The following SEMA3D variants were observed in gnomAD, a reference collection of about 807,000 sequenced individuals.
The protein encoded by SEMA3D is semaphorin 3D.
SEMA3D carries 84 observed loss-of-function variants against 100.1 expected under a neutral mutation model. That is an observed-to-expected ratio of 0.84 (90% CI 0.70 to 1.01). The LOEUF (loss-of-function observed/expected upper bound fraction) is 1.01, where lower values mean the gene tolerates loss of function less well. SEMA3D is among the 50% of genes least tolerant of loss of function. The pLI is 0.00. For missense variants in SEMA3D, 875 were observed against 934.1 expected, an observed-to-expected ratio of 0.94 and a Z score of 0.82; for synonymous variants, 312 against 320.7, an observed-to-expected ratio of 0.97 and a Z score of 0.29.
intron 3 of SEMA3D, among the ~76,000 whole-genome samples, chr7:85,099,033 G>A (rs4728570): frequency 0.67 from 102,463 of 151,860 alleles, 36,550 homozygotes; most frequent in East Asian, 0.95. Context: ...CTAATATTTT[G>A]TTGTCTGGAT....
chr7:85,164,976 C>T (rs768922061), intron 1 of SEMA3D, among the ~76,000 whole-genome samples: 17 of 135,318 alleles, frequency 1.3e-4, no homozygotes, highest in Non-Finnish European at 2.3e-4. Flanking sequence ...GGTATATCTC[C>T]TAATGCTATC....
intron 8 of SEMA3D, among the ~76,000 whole-genome samples, chr7:85,061,444 G>A (rs370216888): frequency 2.2e-4 from 34 of 152,136 alleles, no homozygotes; most frequent in African/African-American, 7.7e-4. Flanking sequence ...GTGCTTCGGT[G>A]ATAAAAATGG....
intron 2 of SEMA3D, among the ~76,000 whole-genome samples, chr7:85,145,028 T>C (rs888509461): frequency 6.6e-6 from 1 of 152,182 alleles, no homozygotes; most frequent in Non-Finnish European, 1.5e-5. Flanking sequence ...ATAAAATACT[T>C]GAAACCTCAT....
At chr7:85,047,567 C>G (rs1178944917) in intron 9 of SEMA3D, among the ~76,000 whole-genome samples, 1 of 151,828 alleles carries the variant, frequency 6.6e-6, no homozygotes, top group Non-Finnish European at 1.5e-5. Context: ...TATTAGATAA[C>G]AGTGGCTTTT....
chr7:85,230,257 T>C, the SEMA3D span, among the ~76,000 whole-genome samples: 1 of 152,328 alleles, frequency 6.6e-6, no homozygotes, highest in Middle Eastern at 3.4e-3. Flanking sequence ...CACATGCCTC[T>C]GCTTATGACC....
chr7:85,133,377 G>T (rs1789779729), intron 2 of SEMA3D, among the ~76,000 whole-genome samples: 1 of 151,956 alleles, frequency 6.6e-6, no homozygotes, highest in Non-Finnish European at 1.5e-5. Flanking sequence ...ACATACAGCT[G>T]CCGATGGATA....
intron 3 of SEMA3D, among the ~76,000 whole-genome samples, chr7:85,109,727 T>A (rs2116360450): frequency 6.6e-6 from 1 of 152,080 alleles, no homozygotes; most frequent in African/African-American, 2.4e-5. Context: ...ACATTATTTT[T>A]AAAACTGTCA....
chr7:85,125,788 G>A (rs1366601333), intron 2 of SEMA3D, among the ~76,000 whole-genome samples: 2 of 150,722 alleles, frequency 1.3e-5, no homozygotes, highest in Non-Finnish European at 3.0e-5. Flanking sequence ...GTCTTCGTGT[G>A]TGTGTGTGTG....
At chr7:85,074,643 T>A (rs1791872788) in intron 5 of SEMA3D, among the ~76,000 whole-genome samples, 1 of 151,766 alleles carries the variant, frequency 6.6e-6, no homozygotes, top group South Asian at 2.1e-4. Context: ...ATATATTTTT[T>A]TTTTTTCTTT....
intron 3 of SEMA3D, among the ~76,000 whole-genome samples, chr7:85,100,644 A>T (rs1788716685): frequency 6.6e-6 from 1 of 151,818 alleles, no homozygotes; most frequent in Non-Finnish European, 1.5e-5. Context: ...GGCAGTTCTA[A>T]CCTCTGTAAA....
intron 2 of SEMA3D, among the ~76,000 whole-genome samples, chr7:85,151,241 AG>A (rs1790375792): frequency 6.6e-6 from 1 of 152,046 alleles, no homozygotes; most frequent in South Asian, 2.1e-4. Flanking sequence ...TGTCAACCCA[AG>A]AAAATGGTCC....
At chr7:85,064,740 G>A (rs757035037) in intron 8 of SEMA3D, among the ~76,000 whole-genome samples, 8 of 152,094 alleles carry the variant, frequency 5.3e-5, no homozygotes, top group Non-Finnish European at 1.2e-4. Flanking sequence ...CGGTGGTGGG[G>A]AGTGGGGTGG....
chr7:85,123,760 T>C (rs1789493639), intron 2 of SEMA3D, among the ~76,000 whole-genome samples: 1 of 152,120 alleles, frequency 6.6e-6, no homozygotes, highest in African/African-American at 2.4e-5. Flanking sequence ...ATTCTTTGTA[T>C]ATAATCTGTC....
chr7:85,152,274 A>G (rs940142008), intron 2 of SEMA3D, among the ~76,000 whole-genome samples: 3 of 152,124 alleles, frequency 2.0e-5, no homozygotes, highest in African/African-American at 7.2e-5. Flanking sequence ...TAAGCCAAAG[A>G]TGCATGTAAA....
chr7:85,027,956 C>T, intron 12 of SEMA3D: 2 of 585,528 alleles, frequency 3.4e-6, no homozygotes, highest in South Asian at 1.5e-5. Context: ...ACTATGTCAC[C>T]TTTACGGATA....
chr7:85,026,964 A>C (rs1790407051), intron 12 of SEMA3D, among the ~76,000 whole-genome samples: 1 of 152,082 alleles, frequency 6.6e-6, no homozygotes, highest in Non-Finnish European at 1.5e-5. Context: ...GCAATATTCC[A>C]GTTCTAGTTG....
At chr7:85,087,396 A>G (rs1788252848) in intron 4 of SEMA3D, among the ~76,000 whole-genome samples, 1 of 152,198 alleles carries the variant, frequency 6.6e-6, no homozygotes. Context: ...CAAGGACTGC[A>G]AATATGCAGA....
chr7:85,082,311 T>C (rs988604447), intron 4 of SEMA3D, among the ~76,000 whole-genome samples: 1 of 152,218 alleles, frequency 6.6e-6, no homozygotes, highest in Non-Finnish European at 1.5e-5. Context: ...AACTCATTGG[T>C]TGATAGCTTT....
intron 13 of SEMA3D, among the ~76,000 whole-genome samples, chr7:85,020,919 G>GTTCAAC (rs1455816984): frequency 6.6e-6 from 1 of 151,348 alleles, no homozygotes; most frequent in African/African-American, 2.4e-5. Context: ...TTAATACAAG[G>GTTCAAC]TTGATAATGC....
Sources: allele counts gnomAD v4.1 joint callset (sites outside exome capture counted in the v4.1 genomes callset), GRCh38; gene constraint gnomAD v4.1.1; transcripts MANE v1.5; gene names NCBI Gene and HGNC (gene_info 2026-07-23, HGNC 2026-07-21).